The following GPLD1 variants were observed in gnomAD, a reference collection of about 807,000 sequenced individuals.
GPLD1 encodes the protein phosphatidylinositol-glycan-specific phospholipase D.
GPLD1 carries 84 observed loss-of-function variants against 112.6 expected under a neutral mutation model. The observed-to-expected ratio is 0.75, with a 90% CI of 0.63 to 0.89. The LOEUF is 0.89. Ranked by LOEUF, GPLD1 falls within the 40% of genes least tolerant of loss-of-function variation. GPLD1 has a pLI of 0.00. For synonymous variants in GPLD1, 386 were observed against 403.8 expected (o/e 0.96, Z 0.53); for missense variants, 1,044 against 1,051.5 (o/e 0.99, Z 0.10).
intron 20 of GPLD1, among the ~76,000 whole-genome samples, chr6:24,442,077 C>T (rs2793424): frequency 0.26 from 39,229 of 148,554 alleles, 6,371 homozygotes; most frequent in East Asian, 0.58. Flanking sequence ...TATAAATTAG[C>T]ATATTATATA....
In GPLD1 at chr6:24,448,200, C is replaced by A; in HGVS notation, c.1455G>T (p.Val485=). ...GSEQLTYKGA[V]YVYFGSKQGG... is the part of the protein sequence containing the mutation. Reference sequence around the variant, plus strand: ...CTTGTTTGGAACCAAAGTAGACATACACGGCACCCTAGATAAGGACAAACA... The same window carrying A: ...CTTGTTTGGAACCAAAGTAGACATAAACGGCACCCTAGATAAGGACAAACA... Residue 485 remains valine, a synonymous_variant, in exon 16 of 25, where the codon GTG becomes GTT. Transcript: ENST00000230036. 6.2e-7 allele frequency: 1 copy of A among 1,603,970 alleles called. No individual in the cohort carries two copies. Among genetic ancestry groups the A allele is most frequent in the Non-Finnish European group, 8.5e-7 (1 of 1,175,144 alleles).
rs188100933 is a variant in GPLD1, at chr6:24,484,728, C to T, written c.153+1347G>A. Among the ~76,000 whole-genome samples the T allele has an allele frequency of 1.3e-3, 199 of 152,270 alleles. 1 individual carries two copies. The highest frequency in any genetic ancestry group is 8.2e-3 in the Admixed American group (126 of 15,304). On this transcript the variant is annotated intron_variant, in intron 2 of 24. Transcript: ENST00000230036. ...CCACTCCTCTTTCCTGCCTACTTGCCGTCAAGGTCAATGAAGATGACTATC... is the reference window on the plus strand; with the variant it reads ...CCACTCCTCTTTCCTGCCTACTTGCTGTCAAGGTCAATGAAGATGACTATC...
At chr6:24,471,108 A>G (rs1418362142) in intron 7 of GPLD1, among the ~76,000 whole-genome samples, 1 of 152,232 alleles carries the variant, frequency 6.6e-6, no homozygotes, top group Non-Finnish European at 1.5e-5. Flanking sequence ...CTTATTATAA[A>G]GCTACAGCAA....
chr6:24,473,095 T>G (rs1763882907), intron 6 of GPLD1: 1 of 150,578 alleles, frequency 6.6e-6, no homozygotes. Context: ...TTTTTTTTTT[T>G]TTTTAAGAAA....
chr6:24,476,361 T>C (rs113574428), intron 3 of GPLD1, 83 bp from the exon 4 acceptor site: 13 of 712,356 alleles, frequency 1.8e-5, no homozygotes, highest in African/African-American at 8.8e-5. Context: ...CCCGCTGCGC[T>C]GCTGTGTCCC....
chr6:24,488,515 G>A (rs1287047547), intron 1 of GPLD1, among the ~76,000 whole-genome samples: 1 of 151,946 alleles, frequency 6.6e-6, no homozygotes, highest in Non-Finnish European at 1.5e-5. Context: ...ATTGACTCAC[G>A]TTTTCCATGC....
chr6:24,448,170 T>G lies in GPLD1; in HGVS notation c.1485A>C (p.Gly495=). 6.2e-7 allele frequency: 1 copy of G among 1,610,296 alleles called. No individual in the cohort carries two copies. The highest frequency in any genetic ancestry group is 2.2e-5 in the East Asian group (1 of 44,760). Residue 495 remains glycine (G), a synonymous_variant, in exon 16 of 25, where the codon GGA becomes GGC. Transcript: ENST00000230036. ...VYVYFGSKQG[G]MSSSPNITIS... is the part of the protein sequence containing the mutation. ...TGGTGATGTTAGGGGAAGAAGACAT[T>G]CCTCCTTGTTTGGAACCAAAGTAGA...
upstream of GPLD1, among the ~76,000 whole-genome samples, chr6:24,493,166 T>C (rs1168248793): frequency 2.0e-5 from 3 of 152,260 alleles, no homozygotes; most frequent in East Asian, 5.8e-4. Context: ...TGGGCCTCAG[T>C]TGATTGAGGC....
At position 24,433,349 on chromosome 6, in the gene GPLD1, C is replaced by T; in HGVS notation, c.2385+14G>A. The T allele has an allele frequency of 7.5e-6, 12 of 1,607,992 alleles. No homozygotes were observed. Among genetic ancestry groups the T allele is most frequent in the Non-Finnish European group, 1.0e-5 (12 of 1,174,458 alleles). On this transcript the variant is annotated intron_variant, in intron 23 of 24. Transcript: ENST00000230036. Reference sequence around the variant, plus strand: ...GGTAATTTTTCTTTCTTCAGTCTTTCAAGGGATACTTACTTCAGGAGAAAT... The same window carrying T: ...GGTAATTTTTCTTTCTTCAGTCTTTTAAGGGATACTTACTTCAGGAGAAAT...
chr6:24,480,337 T>C (rs574934418), intron 2 of GPLD1, among the ~76,000 whole-genome samples: 78 of 151,690 alleles, frequency 5.1e-4, no homozygotes, highest in African/African-American at 1.8e-3. Context: ...TGTTGTTTGT[T>C]TGTGTTTTGA....
chr6:24,456,902 C>T (rs555721751), intron 12 of GPLD1, among the ~76,000 whole-genome samples: 22 of 152,108 alleles, frequency 1.4e-4, no homozygotes, highest in Admixed American at 3.3e-4. Context: ...AAAGAGTTAT[C>T]GCTCTGTCAC....
intron 7 of GPLD1, among the ~76,000 whole-genome samples, chr6:24,469,924 TA>T (rs989244812): frequency 2.6e-5 from 4 of 152,094 alleles, no homozygotes; most frequent in African/African-American, 7.2e-5. Flanking sequence ...GCATTCCCAA[TA>T]AAAATAGCTT....
At chr6:24,451,663 A>G (rs751964677) in intron 14 of GPLD1, among the ~76,000 whole-genome samples, 11 of 152,214 alleles carry the variant, frequency 7.2e-5, no homozygotes, top group Non-Finnish European at 4.4e-5. Context: ...CACAACTTAC[A>G]TAACAACGAA....
chr6:24,495,051 T>C, exon 1 of GPLD1: 1 of 1,356,816 alleles, frequency 7.4e-7, no homozygotes, highest in South Asian at 2.1e-5. Context: ...CGGGTCGACG[T>C]TTCCAGGCTG....
intron 10 of GPLD1, among the ~76,000 whole-genome samples, chr6:24,465,639 G>A (rs1031540058): frequency 6.6e-6 from 1 of 152,116 alleles, no homozygotes; most frequent in Non-Finnish European, 1.5e-5. Flanking sequence ...TAGGGGTAGT[G>A]TAAGACTCTG....
chr6:24,454,085 T>C lies in GPLD1; in HGVS notation c.1265A>G (p.Asn422Ser), dbSNP rs61748577. The change falls in exon 14 of 25, where the codon AAT becomes AGT. Residue 422 changes from asparagine (N) to serine (S), a missense_variant. Coordinates refer to ENST00000230036, the MANE Select transcript of GPLD1 (RefSeq NM_001503.4). Reference sequence around the variant, plus strand: ...GTCAACAGGTGGCAGGCCCAGGTCATTGCCGTAGATGAGGTACACGCGCCC... The same window carrying C: ...GTCAACAGGTGGCAGGCCCAGGTCACTGCCGTAGATGAGGTACACGCGCCC... ...HIGRVYLIYG[N>S]DLGLPPVDLD... The C allele has an allele frequency of 0.01, 16,514 of 1,613,798 alleles. 117 individuals are homozygous for C. The highest frequency in any genetic ancestry group is 0.018 in the South Asian group (1,620 of 91,042).
At chr6:24,494,848 G>A in intron 1 of GPLD1, 1 of 892,804 alleles carries the variant, frequency 1.1e-6, no homozygotes, top group African/African-American at 1.7e-5. Context: ...AGAGGGCGCT[G>A]CTCTGTGGCT....
intron 6 of GPLD1, among the ~76,000 whole-genome samples, chr6:24,472,909 G>A (rs929332549): frequency 1.3e-4 from 19 of 151,992 alleles, no homozygotes; most frequent in Middle Eastern, 3.4e-3. Context: ...CCTCGTAGCT[G>A]GGATTACAGG....
intron 20 of GPLD1, among the ~76,000 whole-genome samples, chr6:24,440,581 C>CAAAAAAAA (rs58480061): frequency 0.2 from 23,596 of 116,806 alleles, 2,659 homozygotes; most frequent in Non-Finnish European, 0.29. Flanking sequence ...AAAAAATACT[C>CAAAAAAAA]AAAAAAAAAA....
Sources: gnomAD v4.1 joint callset for allele counts (sites outside exome capture counted in the v4.1 genomes callset) on GRCh38, gnomAD v4.1.1 for gene constraint, MANE v1.5 for transcripts, NCBI Gene and HGNC (gene_info 2026-07-23, HGNC 2026-07-21) for gene names.